Variants in NEGR1 observed in about 807,000 individuals in gnomAD.
NEGR1 encodes IgLON family member 4.
A neutral mutation model predicts 40.9 loss-of-function variants in NEGR1; 10 were observed. That is an observed-to-expected ratio of 0.24 (90% CI 0.15 to 0.42). The LOEUF (loss-of-function observed/expected upper bound fraction) is 0.42, where lower values mean the gene tolerates loss of function less well. Among genes scored for constraint, NEGR1 ranks in the 10% least tolerant of loss-of-function variants. The pLI is 1.00. For synonymous variants in NEGR1, 185 were observed against 166.8 expected (o/e 1.11, Z -0.84); for missense variants, 352 against 438.9 (o/e 0.80, Z 1.77).
chr1:71,709,657 A>C (rs1654015559), intron 3 of NEGR1, among the ~76,000 whole-genome samples: 1 of 152,204 alleles, frequency 6.6e-6, no homozygotes, highest in South Asian at 2.1e-4. Context: ...AAAACTGGAT[A>C]TTCATACATA....
chr1:72,031,819 C>G (rs1028811923), intron 1 of NEGR1, among the ~76,000 whole-genome samples: 1 of 152,080 alleles, frequency 6.6e-6, no homozygotes. Context: ...AAGGGGCATT[C>G]TGTGGAATGA....
chr1:72,261,119 A>G (rs1002820751), intron 1 of NEGR1, among the ~76,000 whole-genome samples: 1 of 152,078 alleles, frequency 6.6e-6, no homozygotes, highest in Admixed American at 6.6e-5. Flanking sequence ...GCAGAAGTAA[A>G]CAAGTCAGAA....
chr1:72,267,627 T>C (rs1655692317), intron 1 of NEGR1, among the ~76,000 whole-genome samples: 1 of 151,330 alleles, frequency 6.6e-6, no homozygotes, highest in East Asian at 1.9e-4. Context: ...TGCATAGGCA[T>C]GTTAAAATAA....
chr1:71,706,582 A>G (rs1653908439), intron 3 of NEGR1, among the ~76,000 whole-genome samples: 2 of 149,470 alleles, frequency 1.3e-5, no homozygotes, highest in South Asian at 2.1e-4. Context: ...AAAAAAAAAA[A>G]TACCCCTTCT....
intron 1 of NEGR1, among the ~76,000 whole-genome samples, chr1:71,971,612 AT>A (rs930472935): frequency 6.6e-6 from 1 of 152,232 alleles, no homozygotes; most frequent in Non-Finnish European, 1.5e-5. Context: ...TATTTCAACA[AT>A]TAAAAATATT....
intron 6 of NEGR1, among the ~76,000 whole-genome samples, chr1:71,571,344 A>G (rs905706328): frequency 5.9e-5 from 9 of 152,242 alleles, no homozygotes; most frequent in African/African-American, 1.7e-4. Context: ...AAGCACAAGT[A>G]CATCTATTAT....
At chr1:71,596,044 C>CA (rs148493700) in intron 5 of NEGR1, among the ~76,000 whole-genome samples, 1,503 of 132,446 alleles carry the variant, frequency 0.011, 42 homozygotes, top group East Asian at 0.083. Flanking sequence ...CTCCCTGCCA[C>CA]AAAAAAAAAA....
chr1:71,953,018 AGTTGC>A (rs1415389121), intron 1 of NEGR1, among the ~76,000 whole-genome samples: 1 of 151,750 alleles, frequency 6.6e-6, no homozygotes, highest in African/African-American at 2.4e-5. Context: ...AAATGCACCT[AGTTGC>A]TCAAGAGCTC....
At chr1:72,164,985 T>TG (rs1437825827) in intron 1 of NEGR1, among the ~76,000 whole-genome samples, 1 of 151,652 alleles carries the variant, frequency 6.6e-6, no homozygotes, top group East Asian at 1.9e-4. Context: ...CCCTTGATAA[T>TG]TTTTTTTTCA....
rs1430307571 is a variant in NEGR1 at position 71,400,929 on chromosome 1, A to C, written c.*6517T>G. The C allele has an allele frequency of 6.6e-6, 1 of 152,450 alleles. No individual in the cohort carries two copies. The highest frequency in any genetic ancestry group is 1.5e-5 in the Non-Finnish European group (1 of 68,312). 9.4% of individuals were successfully genotyped at this position (152,450 alleles called of 1,614,324 possible). ...GTGCCTATAATCCCAGCTACTGGGG[A>C]GGCTGATGCAGGAGAATCGCTTGAA... On this transcript the variant is annotated 3_prime_UTR_variant, in exon 7 of 7. Coordinates refer to ENST00000357731, the MANE Select transcript of NEGR1 (RefSeq NM_173808.3).
chr1:72,219,295 G>A (rs1375188800), intron 1 of NEGR1, among the ~76,000 whole-genome samples: 1 of 151,936 alleles, frequency 6.6e-6, no homozygotes, highest in Non-Finnish European at 1.5e-5. Flanking sequence ...AACAGTGATG[G>A]TAAAGGGCTT....
At chr1:72,134,565 A>G (rs941843058) in intron 1 of NEGR1, among the ~76,000 whole-genome samples, 5 of 151,844 alleles carry the variant, frequency 3.3e-5, no homozygotes, top group African/African-American at 1.2e-4. Context: ...CATTATATAT[A>G]CAATGGCAAT....
At chr1:71,549,851 G>C (rs983256734) in intron 6 of NEGR1, among the ~76,000 whole-genome samples, 2 of 151,594 alleles carry the variant, frequency 1.3e-5, no homozygotes, top group African/African-American at 4.8e-5. Flanking sequence ...GACTACCATT[G>C]AAAGCTCAAG....
chr1:72,180,680 C>T (rs556054022), intron 1 of NEGR1, among the ~76,000 whole-genome samples: 5 of 151,882 alleles, frequency 3.3e-5, no homozygotes, highest in East Asian at 1.9e-4. Context: ...CCGAATAAGA[C>T]GTAAATATGG....
At chr1:71,571,776 A>C (rs913313988) in intron 6 of NEGR1, among the ~76,000 whole-genome samples, 1 of 117,674 alleles carries the variant, frequency 8.5e-6, no homozygotes. Flanking sequence ...TGACAGAGGG[A>C]GCCCCTGTCT....
At chr1:71,669,614 T>G (rs1188822245) in intron 4 of NEGR1, among the ~76,000 whole-genome samples, 6 of 152,124 alleles carry the variant, frequency 3.9e-5, no homozygotes, top group Non-Finnish European at 8.8e-5. Flanking sequence ...GTTTTATTAT[T>G]CTTACTTTTA....
At chr1:72,112,096 T>A (rs974243721) in intron 1 of NEGR1, among the ~76,000 whole-genome samples, 3 of 151,814 alleles carry the variant, frequency 2.0e-5, no homozygotes, top group African/African-American at 7.2e-5. Flanking sequence ...AATTTTAAAT[T>A]CATTTATGTT....
At chr1:71,754,462 C>G (rs1187430080) in intron 3 of NEGR1, among the ~76,000 whole-genome samples, 1 of 152,090 alleles carries the variant, frequency 6.6e-6, no homozygotes, top group Non-Finnish European at 1.5e-5. Context: ...GTTGGGGAGG[C>G]AGTTTAGATG....
intron 1 of NEGR1, among the ~76,000 whole-genome samples, chr1:72,068,602 G>T (rs1170799480): frequency 6.6e-6 from 1 of 152,106 alleles, no homozygotes; most frequent in African/African-American, 2.4e-5. Flanking sequence ...GATAATTCAT[G>T]AATTTTAGCA....
Sources: allele counts gnomAD v4.1 joint callset (sites outside exome capture counted in the v4.1 genomes callset), GRCh38; gene constraint gnomAD v4.1.1; transcripts MANE v1.5; gene names NCBI Gene and HGNC (gene_info 2026-07-23, HGNC 2026-07-21).